Variants in WWP1 observed in about 807,000 individuals in gnomAD.
WWP1 encodes the protein WW domain containing E3 ubiquitin protein ligase 1, also known as NEDD4-like E3 ubiquitin-protein ligase WWP1.
Under a neutral mutation model 130.6 loss-of-function variants are expected in WWP1, and 49 were observed. That is an observed-to-expected ratio of 0.38 (90% CI 0.30 to 0.48). The LOEUF (loss-of-function observed/expected upper bound fraction) is 0.48, where lower values mean the gene tolerates loss of function less well. WWP1 is among the 20% of genes least tolerant of loss of function. WWP1 has a pLI of 0.99. For missense variants in WWP1, 809 were observed against 1,100.6 expected, an observed-to-expected ratio of 0.74 and a Z score of 3.75; for synonymous variants, 332 against 367.8, an observed-to-expected ratio of 0.90 and a Z score of 1.11.
At chr8:86,401,415 C>T (rs560055747) in intron 7 of WWP1, among the ~76,000 whole-genome samples, 18 of 152,028 alleles carry the variant, frequency 1.2e-4, no homozygotes, top group African/African-American at 4.3e-4. Context: ...AAAAAATTAG[C>T]TGGGCACTGT....
chr8:86,376,913 A>G (rs1824689622), intron 3 of WWP1, among the ~76,000 whole-genome samples: 1 of 152,174 alleles, frequency 6.6e-6, no homozygotes, highest in Non-Finnish European at 1.5e-5. Context: ...TAAAATTACC[A>G]GTCTTACTGA....
At chr8:86,409,435 C>T (rs1808463248) in intron 8 of WWP1, among the ~76,000 whole-genome samples, 1 of 150,254 alleles carries the variant, frequency 6.7e-6, no homozygotes, top group African/African-American at 2.4e-5. Flanking sequence ...AGGGTTTCAC[C>T]GTGTTGGTCA....
chr8:86,426,177 C>A (rs764829795), intron 10 of WWP1, among the ~76,000 whole-genome samples: 1 of 152,128 alleles, frequency 6.6e-6, no homozygotes, highest in African/African-American at 2.4e-5. Flanking sequence ...TATAGCAAAC[C>A]ATGAAGTTCA....
chr8:86,386,647 G>T (rs1301247692), intron 5 of WWP1, among the ~76,000 whole-genome samples: 2 of 152,084 alleles, frequency 1.3e-5, no homozygotes, highest in African/African-American at 4.8e-5. Context: ...TGGAGTGGAG[G>T]TATAATTAAT....
rs1378697985 is a variant in WWP1 at position 86,402,127 on chromosome 8, T to C, written c.648T>C (p.Ser216=). 6.2e-7 allele frequency: 1 copy of C among 1,614,012 alleles called. No homozygotes were observed. Among genetic ancestry groups the C allele is most frequent in the Non-Finnish European group, 8.5e-7 (1 of 1,180,032 alleles). ...YVVNGDNTPS[S]PSQVAARPKN... ...TTAATGGAGACAACACACCTTCATCTCCGTCTCAGGTTGCTGCCAGACCCA... is the reference window on the plus strand; with the variant it reads ...TTAATGGAGACAACACACCTTCATCCCCGTCTCAGGTTGCTGCCAGACCCA... Residue 216 remains serine (S), a synonymous_variant, in exon 8 of 25, where the codon TCT becomes TCC. Transcript: ENST00000517970.
chr8:86,361,939 A>G (rs1325604428), intron 1 of WWP1, among the ~76,000 whole-genome samples: 1 of 149,182 alleles, frequency 6.7e-6, no homozygotes, highest in Admixed American at 6.7e-5. Flanking sequence ...TCTAGTGTTT[A>G]ATATATTACC....
chr8:86,398,868 C>T (rs771067511), intron 7 of WWP1, among the ~76,000 whole-genome samples: 97 of 152,196 alleles, frequency 6.4e-4, no homozygotes, highest in South Asian at 6.2e-4. Context: ...ACATTTTAGT[C>T]GTTTTTAATA....
chr8:86,452,584 C>T lies in WWP1; in HGVS notation c.2299C>T (p.Arg767Ter), dbSNP rs2130757963. 6.2e-7 allele frequency: 1 copy of T among 1,606,356 alleles called. No homozygotes were observed. The highest frequency in any genetic ancestry group is 8.5e-7 in the Non-Finnish European group (1 of 1,177,126). ...TTTAATGACAGAATGGCGTTTTTCT[C>T]GAGGAGTACAAGAACAGACCAAAGC... Reference protein sequence around the residue: ...IGLMTEWRFSRGVQEQTKAFL... With the variant: ...IGLMTEWRFS Residue 767 changes from arginine (R) to a stop codon, truncating the protein, a stop_gained, in exon 21 of 25, where the codon CGA becomes TGA. Coordinates refer to ENST00000517970, the MANE Select transcript of WWP1 (RefSeq NM_007013.4). LOFTEE classifies it high-confidence loss of function.
At chr8:86,445,489 T>C (rs1414939985) in intron 18 of WWP1, among the ~76,000 whole-genome samples, 1 of 152,160 alleles carries the variant, frequency 6.6e-6, no homozygotes, top group Non-Finnish European at 1.5e-5. Flanking sequence ...TGCATCTGTG[T>C]TGTTGCAAAG....
intron 9 of WWP1, among the ~76,000 whole-genome samples, 193 bp from the exon 10 acceptor site, chr8:86,425,029 TA>T (rs141510549): frequency 0.023 from 3,555 of 152,208 alleles, 70 homozygotes; most frequent in Middle Eastern, 0.031. Context: ...ATTAAGAGGT[TA>T]AAAAAGTACT....
At chr8:86,380,938 A>T in intron 4 of WWP1, 74 bp downstream of exon 4, 1 of 1,428,472 alleles carries the variant, frequency 7.0e-7, no homozygotes, top group East Asian at 2.5e-5. Flanking sequence ...TTTGTTTTGT[A>T]AAATGACTTC....
intron 16 of WWP1, 70 bp from the exon 17 acceptor site, chr8:86,438,509 ATTAAAT>A (rs1810418277): frequency 4.6e-6 from 5 of 1,098,016 alleles, no homozygotes; most frequent in Non-Finnish European, 5.1e-6. Context: ...GAAAATAGAG[ATTAAAT>A]TTAAATTGTT....
At position 86,464,724 on chromosome 8, in the gene WWP1, C is replaced by A. The variant is rs75620645; in HGVS notation, c.2670-2070C>A. 1.5e-4 allele frequency among the ~76,000 whole-genome samples: 23 copies of A among 152,034 alleles called. 1 individual carries two copies. In the East Asian group the frequency reaches 4.3e-3, roughly 28 times the overall value. On this transcript the variant is annotated intron_variant, in intron 24 of 24. Coordinates refer to ENST00000517970, the MANE Select transcript of WWP1 (RefSeq NM_007013.4). ...AGGGACAAAGTTTTGCTGTGTTGTC[C>A]CAGGTGGGTCTTAAACTCTGGGCTC...
At chr8:86,448,028 CCATT>C in intron 18 of WWP1, 116 bp from the exon 19 acceptor site, 1 of 802,090 alleles carries the variant, frequency 1.2e-6, no homozygotes, top group South Asian at 2.0e-5. Flanking sequence ...ATGATTTATG[CCATT>C]CACTTACTGA....
chr8:86,378,076 T>C (rs1824773456), intron 3 of WWP1, among the ~76,000 whole-genome samples: 1 of 152,174 alleles, frequency 6.6e-6, no homozygotes, highest in Non-Finnish European at 1.5e-5. Flanking sequence ...ATTTTCACTT[T>C]ATGGTACTTT....
At chr8:86,400,078 C>T (rs1807882713) in intron 7 of WWP1, among the ~76,000 whole-genome samples, 1 of 152,102 alleles carries the variant, frequency 6.6e-6, no homozygotes. Flanking sequence ...TTCCTGTAAT[C>T]CCAGTACTTT....
intron 18 of WWP1, among the ~76,000 whole-genome samples, chr8:86,444,026 C>G (rs114651898): frequency 6.6e-6 from 1 of 152,112 alleles, no homozygotes; most frequent in South Asian, 2.1e-4. Flanking sequence ...GCTTGCTTTA[C>G]GAGTATGTAG....
chr8:86,345,266 A>T (rs1822507140), intron 1 of WWP1, among the ~76,000 whole-genome samples: 5 of 152,192 alleles, frequency 3.3e-5, no homozygotes, highest in Admixed American at 2.6e-4. Context: ...GCTACTTTAC[A>T]ACTTTTTGGA....
intron 21 of WWP1, 119 bp from the exon 22 acceptor site, chr8:86,457,802 C>T (rs1217091554): frequency 1.4e-6 from 1 of 737,414 alleles, no homozygotes; most frequent in African/African-American, 1.8e-5. Flanking sequence ...CATTATATGC[C>T]ATGCATATAG....
Sources: gnomAD v4.1 joint callset for allele counts (sites outside exome capture counted in the v4.1 genomes callset) on GRCh38, gnomAD v4.1.1 for gene constraint, MANE v1.5 for transcripts, NCBI Gene and HGNC (gene_info 2026-07-23, HGNC 2026-07-21) for gene names.